Variants in FAM131B observed in about 807,000 individuals in gnomAD.
FAM131B encodes the protein family with sequence similarity 131 member B, also known as protein FAM131B.
A neutral mutation model predicts 42.0 loss-of-function variants in FAM131B; 19 were observed. That is an observed-to-expected ratio of 0.45 (90% CI 0.32 to 0.66). The LOEUF (loss-of-function observed/expected upper bound fraction) is 0.66, where lower values mean the gene tolerates loss of function less well. Among genes scored for constraint, FAM131B ranks in the 30% least tolerant of loss-of-function variants. The pLI, the probability that FAM131B is intolerant of heterozygous loss-of-function variation, is 0.05. For synonymous variants in FAM131B, 183 were observed against 177.6 expected (o/e 1.03, Z -0.24); for missense variants, 370 against 468.4 (o/e 0.79, Z 1.94).
the FAM131B span, among the ~76,000 whole-genome samples, chr7:143,370,765 G>T: frequency 1.3e-5 from 2 of 152,178 alleles, no homozygotes; most frequent in Admixed American, 6.5e-5. Flanking sequence ...TGCTCTGTGT[G>T]TGTAGTAGCC....
Position 143,359,510 on chromosome 7 carries a change from G to A in FAM131B, c.175-91C>T, listed in dbSNP as rs1298061181. The A allele has an allele frequency of 9.2e-7, 1 of 1,090,506 alleles. No individual in the cohort carries two copies. The highest frequency in any genetic ancestry group is 1.4e-6 in the Non-Finnish European group (1 of 719,162). 67.6% of individuals were successfully genotyped at this position (1,090,506 alleles called of 1,614,324 possible). Reference sequence around the variant, plus strand: ...GGAGGTTCATGGTTTCCAGGAAAAAGCATTCGAGCTAGGGCAGATGATAAG... The same window carrying A: ...GGAGGTTCATGGTTTCCAGGAAAAAACATTCGAGCTAGGGCAGATGATAAG... On this transcript the variant is annotated intron_variant, in intron 3 of 6. Coordinates refer to ENST00000443739, the MANE Select transcript of FAM131B (RefSeq NM_001031690.3). This position sits in a 1 kb window ranked among gnomAD's most constrained non-coding sequence, Gnocchi z 5.4.
At chr7:143,364,676 A>T (rs1251644162), upstream of FAM131B, among the ~76,000 whole-genome samples, 1 of 152,134 alleles carries the variant, frequency 6.6e-6, no homozygotes, top group Non-Finnish European at 1.5e-5. Context: ...CACACAAAAA[A>T]AGTAAAATAT....
At chr7:143,382,022 G>C in the FAM131B span, 1 of 605,966 alleles carries the variant, frequency 1.7e-6, no homozygotes, top group Non-Finnish European at 2.8e-6. Context: ...CTTCCCCTCC[G>C]GGTCCGTTTT....
intron 1 of FAM131B, chr7:143,360,450 G>A: frequency 8.2e-7 from 1 of 1,218,720 alleles, no homozygotes; most frequent in Non-Finnish European, 1.0e-6. Flanking sequence ...GAGGACTCTT[G>A]GAGGGTTTCT....
In FAM131B at chr7:143,362,072, G is replaced by A; in HGVS notation, c.28+504C>T. 2.0e-6 allele frequency: 2 copies of A among 985,226 alleles called. No individual in the cohort carries two copies. The highest frequency in any genetic ancestry group is 2.4e-6 in the Non-Finnish European group (2 of 829,572). 61.0% of individuals were successfully genotyped at this position (985,226 alleles called of 1,614,324 possible). A position where few individuals can be genotyped will look rare whatever the true frequency, so the allele number is the denominator to read the frequency against. Reference sequence around the variant, plus strand: ...GACAGTAAAAGGCAACGGAGAGGGAGAGAGAGATGGGGCAAAGCACCCGAG... The same window carrying A: ...GACAGTAAAAGGCAACGGAGAGGGAAAGAGAGATGGGGCAAAGCACCCGAG... On this transcript the variant is annotated intron_variant, in intron 1 of 6. Transcript: ENST00000443739. This position sits in a 1 kb window ranked among gnomAD's most constrained non-coding sequence, Gnocchi z 7.7.
chr7:143,359,146 G>C lies in FAM131B; in HGVS notation c.269-122C>G. On this transcript the variant is annotated intron_variant, in intron 4 of 6. Transcript: ENST00000443739. The surrounding 1 kb of genome is among the most constrained non-coding windows in gnomAD (Gnocchi z 5.4). ...ATCCCACTGGGCCAGGCTCCCCTAA[G>C]GACTCCATAGATGGGGTAGTGGAGG... The C allele has an allele frequency of 9.0e-7, 1 of 1,112,642 alleles. No individual in the cohort carries two copies. The highest frequency in any genetic ancestry group is 1.4e-5 in the South Asian group (1 of 69,150). The allele number at this position is 1,112,642 out of a possible 1,614,324, so 68.9% of individuals were successfully genotyped here. A position where few individuals can be genotyped will look rare whatever the true frequency, so the allele number is the denominator to read the frequency against.
chr7:143,371,639 AAAG>A, the FAM131B span, among the ~76,000 whole-genome samples: 2 of 150,330 alleles, frequency 1.3e-5, no homozygotes, highest in Non-Finnish European at 3.0e-5. Flanking sequence ...AAAAAAAAGA[AAAG>A]AAAAAAAGAA....
In FAM131B at chr7:143,358,171, C is replaced by T. The variant is rs978725988; in HGVS notation, c.466+656G>A. On this transcript the variant is annotated intron_variant, in intron 5 of 6. Coordinates refer to ENST00000443739, the MANE Select transcript of FAM131B (RefSeq NM_001031690.3). The surrounding 1 kb of genome is among the most constrained non-coding windows in gnomAD (Gnocchi z 4.7). The stretch of plus-strand genomic sequence containing the variant: ...TTGAAGCTGGTACTGCTCCTGCCCC[C>T]CACCCTACATGTTTGTCACCCTGTT... 6.6e-6 allele frequency among the ~76,000 whole-genome samples: 1 copy of T among 152,124 alleles called. No individual in the cohort carries two copies. Among genetic ancestry groups the T allele is most frequent in the South Asian group, 2.1e-4 (1 of 4,824 alleles).
the FAM131B span, among the ~76,000 whole-genome samples, chr7:143,377,167 T>C: frequency 6.6e-6 from 1 of 152,072 alleles, no homozygotes; most frequent in East Asian, 1.9e-4. Flanking sequence ...ATGTTGGCCA[T>C]GCCTAGTCTT....
chr7:143,381,361 C>G, the FAM131B span: 1 of 1,157,870 alleles, frequency 8.6e-7, no homozygotes, highest in Non-Finnish European at 1.1e-6. Context: ...TCTGCGGACC[C>G]GGCGCCGAGG....
the FAM131B span, among the ~76,000 whole-genome samples, chr7:143,377,861 G>A: frequency 3.9e-5 from 6 of 152,008 alleles, no homozygotes; most frequent in East Asian, 1.9e-4. Context: ...CTACAGGCAC[G>A]TGCCACCACG....
chr7:143,358,040 T>C lies in FAM131B; in HGVS notation c.467-617A>G, dbSNP rs145143047. ...ACAGAGAACCCCCAAGAGAGCATCG[T>C]GGGCTTGTGGGTCCACCATAATATA... On this transcript the variant is annotated intron_variant, in intron 5 of 6. Transcript: ENST00000443739. The surrounding 1 kb of genome is among the most constrained non-coding windows in gnomAD (Gnocchi z 4.7). Among the ~76,000 whole-genome samples, 1,570 of 152,244 alleles carry C rather than the reference T, an allele frequency of 0.01. 32 individuals are homozygous for C. Among genetic ancestry groups the C allele is most frequent in the African/African-American group, 0.036 (1,479 of 41,548 alleles).
chr7:143,353,949 C>T lies in FAM131B; in HGVS notation c.*2601G>A, dbSNP rs1296760415. 1 of 152,006 alleles carries T rather than the reference C, an allele frequency of 6.6e-6. No individual in the cohort carries two copies. The highest frequency in any genetic ancestry group is 1.5e-5 in the Non-Finnish European group (1 of 67,960). 9.4% of individuals were successfully genotyped at this position (152,006 alleles called of 1,614,324 possible). ...TAAAAACAGCCCTGTTCCAGGACTG[C>T]TGTAAAACGTGCTGCACAGCCTTAA... On this transcript the variant is annotated 3_prime_UTR_variant, in exon 7 of 7. Transcript: ENST00000443739.
At chr7:143,379,477 T>C in the FAM131B span, among the ~76,000 whole-genome samples, 13 of 151,898 alleles carry the variant, frequency 8.6e-5, no homozygotes, top group African/African-American at 3.1e-4. Context: ...ATCAGTGGGG[T>C]TTGCAAAAGT....
At chr7:143,382,105 G>T in the FAM131B span, 1 of 621,176 alleles carries the variant, frequency 1.6e-6, no homozygotes, top group South Asian at 2.6e-5. Context: ...CTCCCAGGGC[G>T]CCCTGCGCCC....
chr7:143,381,027 G>C, the FAM131B span: 7 of 273,354 alleles, frequency 2.6e-5, no homozygotes, highest in African/African-American at 4.6e-5. Context: ...GGGCGGGGAG[G>C]GGGAGGCAGG....
At chr7:143,364,847 C>T (rs1412614662), upstream of FAM131B, among the ~76,000 whole-genome samples, 1 of 152,190 alleles carries the variant, frequency 6.6e-6, no homozygotes, top group African/African-American at 2.4e-5. Flanking sequence ...TAAATACATA[C>T]TTGGCGGGGG....
Position 143,356,218 on chromosome 7 carries a change from C to A in FAM131B, c.*332G>T. On this transcript the variant is annotated 3_prime_UTR_variant, in exon 7 of 7. Transcript: ENST00000443739. The surrounding 1 kb of genome is among the most constrained non-coding windows in gnomAD (Gnocchi z 4.4). The stretch of plus-strand genomic sequence containing the variant: ...TGAAGAACTGAGATCCAGTCTTGAG[C>A]ACAGCTGCGCTGCCCCCGTCCTCAG... The A allele has an allele frequency of 3.2e-6, 1 of 315,318 alleles. No homozygotes were observed. 19.5% of individuals were successfully genotyped at this position (315,318 alleles called of 1,614,324 possible). A position where few individuals can be genotyped will look rare whatever the true frequency, so the allele number is the denominator to read the frequency against.
At position 143,359,047 on chromosome 7, in the gene FAM131B, C is replaced by T. The variant is rs377639885; in HGVS notation, c.269-23G>A. On this transcript the variant is annotated intron_variant, in intron 4 of 6. Transcript: ENST00000443739. This position sits in a 1 kb window ranked among gnomAD's most constrained non-coding sequence, Gnocchi z 5.4. ...TCCCTATGGGGCCAGACATTTCCCA[C>T]ATCCTCCAGAATATCACACAATACC... The T allele has an allele frequency of 3.2e-5, 52 of 1,608,884 alleles. No individual in the cohort carries two copies. In the African/African-American group the frequency reaches 6.5e-4, roughly 20 times the overall value.
Sources: allele counts gnomAD v4.1 joint callset (sites outside exome capture counted in the v4.1 genomes callset), GRCh38; gene constraint gnomAD v4.1.1; non-coding constraint Gnocchi (gnomAD v3.1); transcripts MANE v1.5; gene names NCBI Gene and HGNC (gene_info 2026-07-23, HGNC 2026-07-21).